CEMIP2: variants seen among roughly 807,000 people sequenced by gnomAD.
The protein encoded by CEMIP2 is cell surface hyaluronidase CEMIP2.
A neutral mutation model predicts 146.9 loss-of-function variants in CEMIP2; 79 were observed. The ratio of observed to expected loss-of-function variants is 0.54; its 90% CI spans 0.45 to 0.65. The LOEUF is 0.65. Ranked by LOEUF, CEMIP2 falls within the 30% of genes least tolerant of loss-of-function variation. The pLI, the probability that CEMIP2 is intolerant of heterozygous loss-of-function variation, is 0.00. For synonymous variants in CEMIP2, 601 were observed against 606.3 expected (o/e 0.99, Z 0.13); for missense variants, 1,596 against 1,696.2 (o/e 0.94, Z 1.04).
Position 71,712,123 on chromosome 9 carries a change from G to T in CEMIP2, c.2729C>A (p.Thr910Asn), listed in dbSNP as rs1367607671. Residue 910 changes from threonine to asparagine, a missense_variant, in exon 16 of 24, where the codon ACC becomes AAC. By Grantham distance (65) the Thr-to-Asn change is moderately conservative. Transcript: ENST00000377044. ...CACGAGGGAGATATTATTCCTGGGG[G>T]TTATCTGCCAGGAATTCTTCATGAG... ...GFLMKNSWQI[T>N]PRNNISLVKF... The T allele has an allele frequency of 1.9e-6, 3 of 1,614,108 alleles. No individual in the cohort carries two copies. The South Asian group carries it at 3.3e-5, about 18-fold the overall frequency.
chr9:71,697,954 T>C, intron 20 of CEMIP2, 31 bp downstream of exon 20: 3 of 1,599,988 alleles, frequency 1.9e-6, no homozygotes, highest in Non-Finnish European at 1.7e-6. Context: ...TTTTTCTCCT[T>C]GGCCACAGAC....
intron 4 of CEMIP2, among the ~76,000 whole-genome samples, chr9:71,741,629 T>TG (rs1475997988): frequency 2.5e-5 from 3 of 122,174 alleles, no homozygotes; most frequent in African/African-American, 5.5e-5. Context: ...TTTTCTTTTC[T>TG]GGTTTTTTTT....
rs777424801 is a variant in CEMIP2, at chr9:71,709,208, T to C, written c.2985+51A>G. ...TGAAGAGTACTTCTCACAGAAGCAG[T>C]GCTGGCAGGAGCTGGTAGGAACTTG... On this transcript the variant is annotated intron_variant, in intron 17 of 23. Transcript: ENST00000377044. 5 of 1,559,598 alleles carry C rather than the reference T, an allele frequency of 3.2e-6. No homozygotes were observed. In the South Asian group the frequency reaches 3.3e-5, roughly 10 times the overall value.
intron 2 of CEMIP2, 77 bp downstream of exon 2, chr9:71,749,966 T>A: frequency 9.2e-6 from 12 of 1,298,682 alleles, no homozygotes; most frequent in East Asian, 2.5e-5. Context: ...TTAAGATAAA[T>A]TTTTTTTTAA....
chr9:71,750,443 T>C, intron 1 of CEMIP2, 58 bp from the exon 2 acceptor site: 1 of 1,178,004 alleles, frequency 8.5e-7, no homozygotes, highest in Non-Finnish European at 1.2e-6. Flanking sequence ...TTAATTTCTT[T>C]TATTTATTTA....
At chr9:71,732,541 A>C in intron 6 of CEMIP2, 21 bp from the exon 7 acceptor site, 2 of 1,569,058 alleles carry the variant, frequency 1.3e-6, no homozygotes, top group South Asian at 1.2e-5. Flanking sequence ...TGAGCAAGGA[A>C]AAAAAAGAAT....
At chr9:71,697,905 T>G in intron 20 of CEMIP2, 80 bp downstream of exon 20, 26 of 1,421,722 alleles carry the variant, frequency 1.8e-5, no homozygotes, top group Non-Finnish European at 2.2e-5. Context: ...TATAGATGTT[T>G]CAAAGAAAAG....
intron 22 of CEMIP2, chr9:71,686,808 C>T (rs931143731): frequency 3.3e-5 from 5 of 152,184 alleles, no homozygotes; most frequent in Non-Finnish European, 1.5e-5. Context: ...TCATCCACCC[C>T]TCACCCTTCC....
chr9:71,728,278 T>A (rs1297735065), intron 10 of CEMIP2, among the ~76,000 whole-genome samples: 189 of 10,274 alleles, frequency 0.018, 25 homozygotes, highest in South Asian at 0.05. Flanking sequence ...TATATATATA[T>A]ATGTATATAT....
chr9:71,725,553 T>C lies in CEMIP2; in HGVS notation c.2178+28A>G, dbSNP rs755480130. On this transcript the variant is annotated intron_variant, in intron 11 of 23. Coordinates refer to ENST00000377044, the MANE Select transcript of CEMIP2 (RefSeq NM_013390.3). The stretch of plus-strand genomic sequence containing the variant: ...CATCCTTTACACTGTCTAGCATATG[T>C]ACTAATTGTTAAAACTTAGAAACCT... 5 of 1,609,254 alleles carry C rather than the reference T, an allele frequency of 3.1e-6. No homozygotes were observed. The South Asian group carries it at 3.3e-5, about 11-fold the overall frequency.
chr9:71,714,998 C>T lies in CEMIP2; in HGVS notation c.2527G>A (p.Gly843Ser). ...GESRNYGFQGGQNKYVGTGGI... is the reference protein window; with the variant it reads ...GESRNYGFQGSQNKYVGTGGI... ...CCAGTGCCTACATACTTGTTCTGAC[C>T]ACCCTGAAAGCCGTAATTCCTGCTC... Residue 843 changes from glycine to serine, a missense_variant, in exon 15 of 24, where the codon GGT becomes AGT. Physicochemically the swap from Gly to Ser is moderately conservative, Grantham distance 56. Transcript: ENST00000377044. 2 of 1,613,944 alleles carry T rather than the reference C, an allele frequency of 1.2e-6. No individual in the cohort carries two copies. The highest frequency in any genetic ancestry group is 1.1e-5 in the South Asian group (1 of 91,076).
At chr9:71,764,568 G>C (rs942046307) in intron 1 of CEMIP2, among the ~76,000 whole-genome samples, 2 of 152,034 alleles carry the variant, frequency 1.3e-5, no homozygotes, top group African/African-American at 2.4e-5. Flanking sequence ...GTCCCTTCAA[G>C]CGACATGCTA....
intron 19 of CEMIP2, chr9:71,699,282 G>T (rs543936683): frequency 6.3e-5 from 18 of 286,866 alleles, no homozygotes; most frequent in Admixed American, 2.7e-4. Flanking sequence ...CCAGGTAGTT[G>T]TTTAAGTCTA....
Position 71,730,809 on chromosome 9 carries a change from C to T in CEMIP2, c.1669G>A (p.Val557Met), listed in dbSNP as rs1177385981. The change falls in exon 8 of 24, where the codon GTG becomes ATG. Residue 557 changes from valine to methionine, a missense_variant. Coordinates refer to ENST00000377044, the MANE Select transcript of CEMIP2 (RefSeq NM_013390.3). Reference protein sequence around the residue: ...YPVHFHLCGDVDYKGGYRHAT... With the variant: ...YPVHFHLCGDMDYKGGYRHAT... ...TGTCTGTATCCTCCTTTATAATCCA[C>T]GTCACCACACAGGTGAAAATGAACA... 4 of 1,614,092 alleles carry T rather than the reference C, an allele frequency of 2.5e-6. No homozygotes were observed. Among genetic ancestry groups the T allele is most frequent in the East Asian group, 2.2e-5 (1 of 44,898 alleles).
chr9:71,714,352 A>G (rs1831271), intron 15 of CEMIP2, among the ~76,000 whole-genome samples: 68,590 of 131,154 alleles, frequency 0.52, 18,329 homozygotes, highest in Non-Finnish European at 0.65. Context: ...GCTAAGTACA[A>G]TTTTAATGAC....
chr9:71,710,202 T>C (rs1198992755), intron 16 of CEMIP2, among the ~76,000 whole-genome samples: 1 of 152,232 alleles, frequency 6.6e-6, no homozygotes, highest in Non-Finnish European at 1.5e-5. Flanking sequence ...ACACATAATG[T>C]ACAGCTGCAA....
At chr9:71,756,335 G>GTA (rs1307219484) in intron 1 of CEMIP2, among the ~76,000 whole-genome samples, 14 of 147,568 alleles carry the variant, frequency 9.5e-5, no homozygotes, top group Admixed American at 3.4e-4. Context: ...ATGTGTGTGT[G>GTA]TATATATATA....
Position 71,730,246 on chromosome 9 carries a change from T to C in CEMIP2, c.1781A>G (p.Asp594Gly). 6.2e-7 allele frequency: 1 copy of C among 1,613,868 alleles called. No individual in the cohort carries two copies. Among genetic ancestry groups the C allele is most frequent in the Non-Finnish European group, 8.5e-7 (1 of 1,179,844 alleles). The change falls in exon 9 of 24, where the codon GAC becomes GGC. Residue 594 changes from aspartate to glycine, a missense_variant. Physicochemically the swap from Asp to Gly is moderately conservative, Grantham distance 94. Coordinates refer to ENST00000377044, the MANE Select transcript of CEMIP2 (RefSeq NM_013390.3). The stretch of plus-strand genomic sequence containing the variant: ...ACCTAGTGTGTCAAACCCAATGGTG[T>C]CTTTTATCTGCAGAAATAAAAGTAT... ...VHGTNGLLIK[D>G]TIGFDTLGHC...
chr9:71,752,379 G>T (rs766840440), intron 1 of CEMIP2, among the ~76,000 whole-genome samples: 1 of 148,612 alleles, frequency 6.7e-6, no homozygotes, highest in Non-Finnish European at 1.5e-5. Flanking sequence ...AATTTTTTAC[G>T]TTCTCTATAA....
Sources: allele counts gnomAD v4.1 joint callset (sites outside exome capture counted in the v4.1 genomes callset), GRCh38; gene constraint gnomAD v4.1.1; transcripts MANE v1.5; gene names NCBI Gene and HGNC (gene_info 2026-07-23, HGNC 2026-07-21).